The following KCNG3 variants were observed in gnomAD, a reference collection of about 807,000 sequenced individuals.
KCNG3 encodes voltage-gated potassium channel regulatory subunit KCNG3.
Under a neutral mutation model 29.0 loss-of-function variants are expected in KCNG3, and 15 were observed. The observed-to-expected ratio is 0.52, with a 90% CI of 0.35 to 0.80. The LOEUF is 0.80. Ranked by LOEUF, KCNG3 falls within the 30% of genes least tolerant of loss-of-function variation. KCNG3 has a pLI of 0.01. For synonymous variants in KCNG3, 322 were observed against 248.9 expected, an observed-to-expected ratio of 1.29 and a Z score of -2.76; for missense variants, 512 against 605.7, an observed-to-expected ratio of 0.85 and a Z score of 1.62.
At chr2:42,473,945 A>G (rs949299076) in intron 1 of KCNG3, among the ~76,000 whole-genome samples, 14 of 151,946 alleles carry the variant, frequency 9.2e-5, no homozygotes, top group Non-Finnish European at 1.9e-4. Flanking sequence ...TGAGGCCAGG[A>G]GTTCGAGACC....
At chr2:42,397,087 A>C in the KCNG3 span, among the ~76,000 whole-genome samples, 7 of 152,100 alleles carry the variant, frequency 4.6e-5, no homozygotes, top group African/African-American at 1.4e-4. Context: ...TCTACTAAAA[A>C]TACAAAACTT....
intron 1 of KCNG3, among the ~76,000 whole-genome samples, chr2:42,483,766 A>C (rs1379656371): frequency 6.6e-6 from 1 of 152,202 alleles, no homozygotes; most frequent in East Asian, 1.9e-4. Context: ...GGGGAGATTT[A>C]TAAGAACTAA....
At chr2:42,473,102 T>G (rs1195110238) in intron 1 of KCNG3, among the ~76,000 whole-genome samples, 2 of 149,854 alleles carry the variant, frequency 1.3e-5, no homozygotes, top group Non-Finnish European at 3.0e-5. Flanking sequence ...TTCACCGTGT[T>G]AGCCCAGATG....
the KCNG3 span, chr2:42,424,891 C>T: frequency 6.6e-6 from 1 of 152,240 alleles, no homozygotes. Context: ...ATGCAGGACC[C>T]CGGCTCCACA....
In KCNG3 at chr2:42,444,298, A is replaced by C. The variant is rs759294011; in HGVS notation, c.947T>G (p.Leu316Arg). The C allele has an allele frequency of 6.2e-7, 1 of 1,614,230 alleles. No individual in the cohort carries two copies. The highest frequency in any genetic ancestry group is 8.5e-7 in the Non-Finnish European group (1 of 1,180,038). ...FIGLQTLGLT[L>R]KRCYREMVML... Reference sequence around the variant, plus strand: ...AACCATCTCTCGGTAGCAACGTTTGAGAGTCAAACCGAGTGTCTGAAGACC... The same window carrying C: ...AACCATCTCTCGGTAGCAACGTTTGCGAGTCAAACCGAGTGTCTGAAGACC... The change falls in exon 2 of 2, where the codon CTC becomes CGC. Residue 316 changes from leucine (L) to arginine (R), a missense_variant. Around this residue, in one of 5 missense-constraint regions of KCNG3, gnomAD observed 173 missense variants for 262.4 expected, o/e 0.66. Coordinates refer to ENST00000306078, the MANE Select transcript of KCNG3 (RefSeq NM_133329.6). This position sits in a 1 kb window ranked among gnomAD's most constrained non-coding sequence, Gnocchi z 5.8.
rs1276271384 is a variant in KCNG3, at chr2:42,444,845, T to G, written c.666-266A>C. On this transcript the variant is annotated intron_variant, in intron 1 of 1. Transcript: ENST00000306078. This position sits in a 1 kb window ranked among gnomAD's most constrained non-coding sequence, Gnocchi z 5.8. The stretch of plus-strand genomic sequence containing the variant: ...GGAAGGCTGAGGTGGGTGAATCGCT[T>G]GAGCCCAGGAGTTCGAGACCAACCT... Among the ~76,000 whole-genome samples, 1 of 151,878 alleles carries G rather than the reference T, an allele frequency of 6.6e-6. No homozygotes were observed. Among genetic ancestry groups the G allele is most frequent in the Admixed American group, 6.6e-5 (1 of 15,222 alleles).
At chr2:42,423,267 A>G in the KCNG3 span, among the ~76,000 whole-genome samples, 1 of 152,202 alleles carries the variant, frequency 6.6e-6, no homozygotes, top group Admixed American at 6.5e-5. Context: ...GACCACAGTA[A>G]TTCCCTAATG....
the KCNG3 span, among the ~76,000 whole-genome samples, chr2:42,410,929 G>A: frequency 6.6e-6 from 1 of 152,156 alleles, no homozygotes; most frequent in South Asian, 2.1e-4. Context: ...GCTTTATGTT[G>A]TACATTTATC....
chr2:42,434,918 T>C, the KCNG3 span, among the ~76,000 whole-genome samples: 1 of 151,976 alleles, frequency 6.6e-6, no homozygotes, highest in Non-Finnish European at 1.5e-5. Flanking sequence ...AATAAACAAA[T>C]AAAATTGGAC....
the KCNG3 span, chr2:42,424,916 T>C: frequency 6.6e-6 from 1 of 152,132 alleles, no homozygotes; most frequent in Non-Finnish European, 1.5e-5. Context: ...TCCAGGAAGG[T>C]ATCTACTTCT....
chr2:42,471,184 GTATATA>G (rs111230198), intron 1 of KCNG3, among the ~76,000 whole-genome samples: 1 of 147,864 alleles, frequency 6.8e-6, no homozygotes, highest in Non-Finnish European at 1.5e-5. Flanking sequence ...GTGTGTGTGT[GTATATA>G]TATATATATA....
rs373369299 is a variant in KCNG3, at chr2:42,452,496, A to C, written c.666-7917T>G. On this transcript the variant is annotated intron_variant, in intron 1 of 1. Coordinates refer to ENST00000306078, the MANE Select transcript of KCNG3 (RefSeq NM_133329.6). Reference sequence around the variant, plus strand: ...TCTAACTATTTTTTTTTTAACCATTAACCATACCCACTTCCCCACCACCCC... The same window carrying C: ...TCTAACTATTTTTTTTTTAACCATTCACCATACCCACTTCCCCACCACCCC... Among the ~76,000 whole-genome samples the C allele has an allele frequency of 2.8e-4, 43 of 151,644 alleles. 2 individuals are homozygous for C. The South Asian group carries it at 9.0e-3, about 32-fold the overall frequency.
chr2:42,454,459 C>T (rs1672831896), intron 1 of KCNG3, among the ~76,000 whole-genome samples: 1 of 152,258 alleles, frequency 6.6e-6, no homozygotes, highest in Non-Finnish European at 1.5e-5. Context: ...CTCCTGTAAT[C>T]CCAGCACTTT....
At chr2:42,473,314 T>A (rs948259527) in intron 1 of KCNG3, among the ~76,000 whole-genome samples, 2 of 152,140 alleles carry the variant, frequency 1.3e-5, no homozygotes, top group African/African-American at 4.8e-5. Flanking sequence ...CTTTTATGCA[T>A]AATTTCCTCT....
At chr2:42,424,710 G>A in the KCNG3 span, 1 of 152,146 alleles carries the variant, frequency 6.6e-6, no homozygotes, top group Admixed American at 6.5e-5. Context: ...TGACGAATGG[G>A]TTCCTGTCTT....
Position 42,492,932 on chromosome 2 carries a change from G to A in KCNG3, c.570C>T (p.Ala190=), listed in dbSNP as rs1231684162. 1.9e-6 allele frequency: 3 copies of A among 1,588,594 alleles called. No homozygotes were observed. In the Admixed American group the frequency reaches 5.3e-5, roughly 28 times the overall value. The change falls in exon 1 of 2, where the codon GCC becomes GCT. Residue 190 remains alanine (A), a synonymous_variant. Coordinates refer to ENST00000306078, the MANE Select transcript of KCNG3 (RefSeq NM_133329.6). Reference sequence around the variant, plus strand: ...CGTTGCGCCAGTCGGGCAACGTGCTGGCGCACAGCACCACCATGGACACGA... The same window carrying A: ...CGTTGCGCCAGTCGGGCAACGTGCTAGCGCACAGCACCACCATGGACACGA... The part of the protein sequence containing the change: ...FVIVSMVVLC[A]STLPDWRNAA...
intron 1 of KCNG3, among the ~76,000 whole-genome samples, chr2:42,445,108 G>A (rs980555877): frequency 6.7e-6 from 1 of 149,294 alleles, no homozygotes; most frequent in Non-Finnish European, 1.5e-5. Context: ...ACTTGATAAA[G>A]TTCTTACTTC....
intron 1 of KCNG3, among the ~76,000 whole-genome samples, chr2:42,468,954 CAAAAAAAAAAAAAA>C (rs61287684): frequency 1.8e-5 from 1 of 57,082 alleles, no homozygotes; most frequent in Admixed American, 3.0e-4. Context: ...ACTCCGTCTC[CAAAAAAAAAAAAAA>C]AAAAAAAAAA....
the KCNG3 span, among the ~76,000 whole-genome samples, chr2:42,390,030 C>T: frequency 6.6e-6 from 1 of 152,162 alleles, no homozygotes; most frequent in African/African-American, 2.4e-5. Context: ...ACTGCCCCCA[C>T]CCTAACTTTG....
Sources: allele counts gnomAD v4.1 joint callset (sites outside exome capture counted in the v4.1 genomes callset), GRCh38; gene constraint gnomAD v4.1.1; regional missense constraint gnomAD v4.1.1; non-coding constraint Gnocchi (gnomAD v3.1); transcripts MANE v1.5; gene names NCBI Gene and HGNC (gene_info 2026-07-23, HGNC 2026-07-21).